The following PODXL variants were observed in gnomAD, a reference collection of about 807,000 sequenced individuals.
PODXL encodes the protein podocalyxin.
PODXL carries 20 observed loss-of-function variants against 48.9 expected under a neutral mutation model. That is an observed-to-expected ratio of 0.41 (90% CI 0.29 to 0.59). The LOEUF (loss-of-function observed/expected upper bound fraction) is 0.59. Ranked by LOEUF, PODXL falls within the 20% of genes least tolerant of loss-of-function variation. The pLI, the probability that PODXL is intolerant of heterozygous loss-of-function variation, is 0.31. For synonymous variants in PODXL, 295 were observed against 287.4 expected (o/e 1.03, Z -0.27); for missense variants, 606 against 675.1 (o/e 0.90, Z 1.13).
At chr7:131,516,638 T>C (rs1798000773) in intron 1 of PODXL, among the ~76,000 whole-genome samples, 1 of 152,156 alleles carries the variant, frequency 6.6e-6, no homozygotes, top group Admixed American at 6.5e-5. Context: ...AGCAACATAA[T>C]TCATGACTTC....
intron 1 of PODXL, among the ~76,000 whole-genome samples, chr7:131,524,611 C>T (rs947574270): frequency 2.0e-5 from 3 of 152,140 alleles, no homozygotes; most frequent in South Asian, 2.1e-4. Flanking sequence ...AACAAACTGA[C>T]GATCCCAAAT....
chr7:131,547,681 G>A (rs752646051), intron 1 of PODXL, among the ~76,000 whole-genome samples: 2 of 152,110 alleles, frequency 1.3e-5, no homozygotes, highest in Non-Finnish European at 2.9e-5. Context: ...CCTATCATAC[G>A]GAACAGTTAA....
intron 1 of PODXL, among the ~76,000 whole-genome samples, chr7:131,531,724 T>C (rs1411511581): frequency 3.9e-5 from 6 of 152,182 alleles, no homozygotes; most frequent in African/African-American, 1.4e-4. Context: ...CACTTGTCAT[T>C]GGATTTAGGG....
intron 4 of PODXL, 29 bp downstream of exon 4, chr7:131,509,336 C>T (rs771867880): frequency 6.4e-7 from 1 of 1,553,392 alleles, no homozygotes; most frequent in Non-Finnish European, 8.9e-7. Context: ...TCTGGGTTCT[C>T]CTACTTGCCC....
At chr7:131,536,149 A>C (rs2116843851) in intron 1 of PODXL, among the ~76,000 whole-genome samples, 1 of 152,294 alleles carries the variant, frequency 6.6e-6, no homozygotes, top group South Asian at 2.1e-4. Context: ...CCTGTTAGAA[A>C]CCAAGCCACA....
intron 1 of PODXL, among the ~76,000 whole-genome samples, chr7:131,528,980 A>G (rs1266038001): frequency 6.6e-6 from 1 of 152,094 alleles, no homozygotes; most frequent in Non-Finnish European, 1.5e-5. Flanking sequence ...GAAGGTAGAG[A>G]GACAGTGATA....
In PODXL at chr7:131,509,350, C is replaced by T. The variant is rs1797869614; in HGVS notation, c.1023+15G>A. ...GTCTGGGTTCTCCTACTTGCCCCAC[C>T]CCTGCTGGAGTTACCCAGTTACTCT... On this transcript the variant is annotated intron_variant, in intron 4 of 8. Transcript: ENST00000378555. 6.2e-7 allele frequency: 1 copy of T among 1,601,664 alleles called. No individual in the cohort carries two copies.
chr7:131,517,285 G>A (rs777078780), intron 1 of PODXL, among the ~76,000 whole-genome samples: 17 of 152,154 alleles, frequency 1.1e-4, no homozygotes, highest in Admixed American at 9.2e-4. Context: ...CAAGACCAGC[G>A]TAGTGATCGC....
chr7:131,508,591 C>G (rs1413394755), intron 5 of PODXL, among the ~76,000 whole-genome samples: 1 of 151,740 alleles, frequency 6.6e-6, no homozygotes, highest in Non-Finnish European at 1.5e-5. Context: ...ATCTGAAACC[C>G]AAAGAGATCA....
chr7:131,535,892 G>C (rs1317753367), intron 1 of PODXL, among the ~76,000 whole-genome samples: 2 of 152,116 alleles, frequency 1.3e-5, no homozygotes, highest in Non-Finnish European at 2.9e-5. Context: ...CTCCCGAGTA[G>C]CTAGGACTAC....
At chr7:131,506,122 C>G in intron 7 of PODXL, 87 bp from the exon 8 acceptor site, 1 of 1,553,362 alleles carries the variant, frequency 6.4e-7, no homozygotes. Context: ...CGCTTGCAGT[C>G]TGCTAGGGTC....
chr7:131,511,747 C>A (rs535984187), intron 1 of PODXL, among the ~76,000 whole-genome samples: 1 of 152,298 alleles, frequency 6.6e-6, no homozygotes, highest in African/African-American at 2.4e-5. Flanking sequence ...TGAGCCACCA[C>A]GCCTGGCATG....
At chr7:131,544,225 C>T (rs1268704595) in intron 1 of PODXL, among the ~76,000 whole-genome samples, 1 of 152,168 alleles carries the variant, frequency 6.6e-6, no homozygotes, top group African/African-American at 2.4e-5. Context: ...TGTGGCGCAC[C>T]CACACAAATA....
At chr7:131,539,518 A>G (rs888864975) in intron 1 of PODXL, among the ~76,000 whole-genome samples, 1 of 152,172 alleles carries the variant, frequency 6.6e-6, no homozygotes, top group African/African-American at 2.4e-5. Context: ...TTTAGTAGAC[A>G]TGGGGTGTCG....
At chr7:131,530,696 T>A (rs1798263731) in intron 1 of PODXL, among the ~76,000 whole-genome samples, 1 of 149,008 alleles carries the variant, frequency 6.7e-6, no homozygotes, top group Non-Finnish European at 1.5e-5. Flanking sequence ...CACTTGAGGC[T>A]GCAGTGAGCT....
intron 1 of PODXL, among the ~76,000 whole-genome samples, chr7:131,515,712 A>T (rs1386986667): frequency 6.6e-6 from 1 of 152,090 alleles, no homozygotes; most frequent in East Asian, 1.9e-4. Flanking sequence ...CAACTTAGAG[A>T]ATTAAATGGT....
intron 1 of PODXL, among the ~76,000 whole-genome samples, chr7:131,535,119 T>C (rs537205391): frequency 6.6e-6 from 1 of 152,290 alleles, no homozygotes; most frequent in African/African-American, 2.4e-5. Context: ...ATCTCCTTAA[T>C]TCTCAAAAGG....
At chr7:131,529,084 T>A (rs1798232202) in intron 1 of PODXL, among the ~76,000 whole-genome samples, 1 of 100,622 alleles carries the variant, frequency 9.9e-6, no homozygotes, top group African/African-American at 2.5e-5. Flanking sequence ...GAAGTAGAGA[T>A]GAGAAAATGT....
intron 5 of PODXL, among the ~76,000 whole-genome samples, chr7:131,508,067 T>G (rs1797840628): frequency 6.6e-6 from 1 of 152,138 alleles, no homozygotes. Flanking sequence ...GAGCCAGCCA[T>G]CTCCAGCACC....
Sources: gnomAD v4.1 joint callset for allele counts (sites outside exome capture counted in the v4.1 genomes callset) on GRCh38, gnomAD v4.1.1 for gene constraint, MANE v1.5 for transcripts, NCBI Gene and HGNC (gene_info 2026-07-23, HGNC 2026-07-21) for gene names.